ATRNL1: variants seen among roughly 807,000 people sequenced by gnomAD.
ATRNL1 encodes attractin like 1.
Under a neutral mutation model 182.7 loss-of-function variants are expected in ATRNL1, and 95 were observed. The observed-to-expected ratio is 0.52, with a 90% confidence interval of 0.44 to 0.62. The LOEUF (loss-of-function observed/expected upper bound fraction) is 0.62. ATRNL1 is among the 20% of genes least tolerant of loss of function. The pLI is 0.00. For synonymous variants in ATRNL1, 576 were observed against 568.3 expected, an observed-to-expected ratio of 1.01 and a Z score of -0.19; for missense variants, 1,471 against 1,679.5, an observed-to-expected ratio of 0.88 and a Z score of 2.17.
intron 26 of ATRNL1, among the ~76,000 whole-genome samples, chr10:115,596,895 A>C (rs546162090): frequency 6.6e-6 from 1 of 152,146 alleles, no homozygotes; most frequent in Non-Finnish European, 1.5e-5. Flanking sequence ...CCTAAAATCA[A>C]GTGAAATTTA....
intron 26 of ATRNL1, among the ~76,000 whole-genome samples, chr10:115,626,769 T>C (rs1425076688): frequency 6.6e-6 from 1 of 152,194 alleles, no homozygotes; most frequent in Non-Finnish European, 1.5e-5. Context: ...ATAAAATTTA[T>C]TTTTCAAACT....
intron 24 of ATRNL1, among the ~76,000 whole-genome samples, chr10:115,478,775 ATAGAG>A (rs1363383743): frequency 6.6e-6 from 1 of 151,744 alleles, no homozygotes; most frequent in South Asian, 2.1e-4. Context: ...GTATATGAAA[ATAGAG>A]TAAAGATATT....
Position 115,160,109 on chromosome 10 carries a change from G to C in ATRNL1, c.899G>C (p.Ser300Thr). 6.2e-7 allele frequency: 1 copy of C among 1,612,190 alleles called. No individual in the cohort carries two copies. The highest frequency in any genetic ancestry group is 8.5e-7 in the Non-Finnish European group (1 of 1,179,080). ...ATTCTGCCAAACGTTAAACCCTTCA[G>C]TCCTTCTGTAGGTCGGGCTTCACAT... ...YWILPNVKPF[S>T]PSVGRASHKA... Residue 300 changes from serine to threonine, a missense_variant, in exon 6 of 29, where the codon AGT (serine) becomes ACT (threonine). Physicochemically the swap from Ser to Thr is moderately conservative, Grantham distance 58 (BLOSUM62 1). Coordinates refer to ENST00000355044, the MANE Select transcript of ATRNL1 (RefSeq NM_207303.4).
chr10:115,375,147 A>G (rs1289423777), intron 19 of ATRNL1, among the ~76,000 whole-genome samples: 2 of 151,764 alleles, frequency 1.3e-5, no homozygotes, highest in South Asian at 2.1e-4. Flanking sequence ...TTCTTTATAT[A>G]TATAGGTACT....
chr10:115,235,804 G>C (rs1850154721), intron 9 of ATRNL1, among the ~76,000 whole-genome samples: 1 of 152,054 alleles, frequency 6.6e-6, no homozygotes, highest in South Asian at 2.1e-4. Flanking sequence ...GCCTTATTGG[G>C]AGATACTTTC....
At chr10:115,381,518 C>G (rs2134233275) in intron 19 of ATRNL1, among the ~76,000 whole-genome samples, 1 of 149,312 alleles carries the variant, frequency 6.7e-6, no homozygotes, top group African/African-American at 2.5e-5. Context: ...GGTGATCCGC[C>G]CGTCTCGGCC....
intron 20 of ATRNL1, among the ~76,000 whole-genome samples, chr10:115,419,642 A>G (rs1845563449): frequency 6.6e-6 from 1 of 152,224 alleles, no homozygotes; most frequent in Admixed American, 6.5e-5. Context: ...TATGAACAAA[A>G]TAGACTTTAA....
intron 5 of ATRNL1, among the ~76,000 whole-genome samples, chr10:115,154,437 T>C (rs1455726427): frequency 6.6e-6 from 1 of 152,190 alleles, no homozygotes; most frequent in Non-Finnish European, 1.5e-5. Flanking sequence ...GCTCTTCTTG[T>C]TGAATTGATC....
chr10:115,254,423 A>C (rs1851024229), intron 10 of ATRNL1, among the ~76,000 whole-genome samples: 1 of 152,208 alleles, frequency 6.6e-6, no homozygotes, highest in South Asian at 2.1e-4. Flanking sequence ...TGTTGGCTGC[A>C]TAAATGTCTT....
At chr10:115,719,020 C>A (rs566829573) in intron 26 of ATRNL1, among the ~76,000 whole-genome samples, 1 of 152,188 alleles carries the variant, frequency 6.6e-6, no homozygotes, top group Non-Finnish European at 1.5e-5. Context: ...TTATTACAGG[C>A]AAATTTATTC....
At chr10:115,591,675 C>G (rs2133918792) in intron 26 of ATRNL1, among the ~76,000 whole-genome samples, 1 of 152,306 alleles carries the variant, frequency 6.6e-6, no homozygotes, top group African/African-American at 2.4e-5. Flanking sequence ...AACCTTTCTT[C>G]TACCTATAAC....
At chr10:115,312,590 T>C (rs1192935222) in intron 17 of ATRNL1, among the ~76,000 whole-genome samples, 3 of 148,350 alleles carry the variant, frequency 2.0e-5, no homozygotes, top group Admixed American at 6.6e-5. Context: ...ACATTGGTAA[T>C]GTTGTTTGTG....
intron 26 of ATRNL1, among the ~76,000 whole-genome samples, chr10:115,600,960 T>A (rs1856561140): frequency 6.6e-6 from 1 of 150,514 alleles, no homozygotes; most frequent in South Asian, 2.1e-4. Flanking sequence ...CCTGTATGGA[T>A]GTCCACATTT....
intron 17 of ATRNL1, among the ~76,000 whole-genome samples, chr10:115,311,850 A>G (rs771128253): frequency 6.6e-6 from 1 of 151,994 alleles, no homozygotes; most frequent in Non-Finnish European, 1.5e-5. Context: ...TTTTATCATT[A>G]TATAATGAAC....
At chr10:115,690,741 G>T (rs923803320) in intron 26 of ATRNL1, among the ~76,000 whole-genome samples, 1 of 152,148 alleles carries the variant, frequency 6.6e-6, no homozygotes, top group East Asian at 1.9e-4. Context: ...CCTCACAAGG[G>T]TGCCCAGCTG....
intron 26 of ATRNL1, among the ~76,000 whole-genome samples, chr10:115,592,901 T>C (rs1351826505): frequency 6.6e-6 from 1 of 151,642 alleles, no homozygotes. Flanking sequence ...TCTGTTTCTC[T>C]CTGTCCCTCT....
At chr10:115,752,472 C>T (rs1555070855) in intron 27 of ATRNL1, among the ~76,000 whole-genome samples, 1 of 151,872 alleles carries the variant, frequency 6.6e-6, no homozygotes, top group East Asian at 1.9e-4. Flanking sequence ...AGCTTACATG[C>T]TTATAAGAAT....
intron 28 of ATRNL1, among the ~76,000 whole-genome samples, chr10:115,934,800 CAAA>C (rs1367024319): frequency 6.6e-6 from 1 of 152,166 alleles, no homozygotes; most frequent in Non-Finnish European, 1.5e-5. Context: ...GATTAAAAAT[CAAA>C]GTCCTAGTGT....
At chr10:115,818,456 G>A (rs1397445378) in intron 27 of ATRNL1, among the ~76,000 whole-genome samples, 3 of 151,992 alleles carry the variant, frequency 2.0e-5, no homozygotes, top group South Asian at 2.1e-4. Flanking sequence ...ATTCAAAAAT[G>A]TTTCATAGTT....
Sources: allele counts gnomAD v4.1 joint callset (sites outside exome capture counted in the v4.1 genomes callset), GRCh38; gene constraint gnomAD v4.1.1; transcripts MANE v1.5; gene names NCBI Gene and HGNC (gene_info 2026-07-23, HGNC 2026-07-21).